Variants in C11orf65 observed in about 807,000 individuals in gnomAD.
C11orf65 encodes the protein chromosome 11 open reading frame 65.
A neutral mutation model predicts 35.3 loss-of-function variants in C11orf65; 38 were observed. That is an observed-to-expected ratio of 1.08 (90% CI 0.83 to 1.41). C11orf65 has a LOEUF of 1.41. C11orf65 is among the 40% of genes most tolerant of loss of function. The pLI is 0.00. For synonymous variants in C11orf65, 105 were observed against 114.4 expected (o/e 0.92, Z 0.53); for missense variants, 370 against 367.1 (o/e 1.01, Z -0.06).
chr11:108,418,999 T>C (rs186070756), intron 3 of C11orf65, among the ~76,000 whole-genome samples: 357 of 152,284 alleles, frequency 2.3e-3, no homozygotes, highest in African/African-American at 8.2e-3. Flanking sequence ...TTAAAATCTT[T>C]TCATGGAAAA....
chr11:108,351,407 A>G (rs570198809), intron 2 of C11orf65, among the ~76,000 whole-genome samples: 148 of 152,336 alleles, frequency 9.7e-4, no homozygotes, highest in East Asian at 7.7e-4. Flanking sequence ...CTGTTGCTGC[A>G]TAACAAACCA....
chr11:108,372,253 G>A lies in C11orf65; in HGVS notation c.226+20955C>T, dbSNP rs192677517. Among the ~76,000 whole-genome samples the A allele has an allele frequency of 7.1e-4, 108 of 152,328 alleles. 1 individual carries two copies. Among genetic ancestry groups the A allele is most frequent in the African/African-American group, 2.5e-3 (102 of 41,576 alleles). ...CTGTCGCCCAGGCTGGAGTGCAGCA[G>A]CACGATCTCGGCTCACTGCAACCTC... On this transcript the variant is annotated intron_variant, in intron 2 of 3. Coordinates refer to the C11orf65 transcript ENST00000524755.
chr11:108,431,790 G>C lies in C11orf65; in HGVS notation c.130C>G (p.Gln44Glu), dbSNP rs60205978. 1.0e-3 allele frequency: 1,541 copies of C among 1,528,174 alleles called. 20 individuals carry two copies. The African/African-American group carries it at 0.018, about 18-fold the overall frequency. 94.7% of individuals were successfully genotyped at this position (1,528,174 alleles called of 1,614,324 possible). Reference protein sequence around the residue: ...HFKSLIDLRRQGEPRQIVKYI... With the variant: ...HFKSLIDLRREGEPRQIVKYI... ...TTCACTATCTGACGTGGTTCTCCTT[G>C]TCTTCTTAAATCAATCAGACTTTTA... The change falls in exon 3 of 9, where the codon CAA becomes GAA. Residue 44 changes from glutamine (Q) to glutamate (E), a missense_variant. Gln to Glu is a conservative substitution (Grantham distance 29). Transcript: ENST00000393084.
intron 2 of C11orf65, among the ~76,000 whole-genome samples, chr11:108,453,343 G>T (rs1443152986): frequency 6.7e-6 from 1 of 149,704 alleles, no homozygotes; most frequent in Non-Finnish European, 1.5e-5. Context: ...AATACAGGAA[G>T]AACAGATCAG....
chr11:108,456,092 T>C (rs574488852), intron 2 of C11orf65, among the ~76,000 whole-genome samples: 220 of 152,032 alleles, frequency 1.4e-3, no homozygotes, highest in Middle Eastern at 0.01. Flanking sequence ...GAGGTGGAGA[T>C]TTCAGTGAGC....
At chr11:108,352,509 A>T (rs1261229758) in intron 2 of C11orf65, among the ~76,000 whole-genome samples, 1 of 152,232 alleles carries the variant, frequency 6.6e-6, no homozygotes, top group East Asian at 1.9e-4. Flanking sequence ...TTCAGCATCT[A>T]GGGCTAAACA....
chr11:108,324,126 T>A (rs769211273), intron 6 of C11orf65, among the ~76,000 whole-genome samples: 1 of 152,172 alleles, frequency 6.6e-6, no homozygotes, highest in Non-Finnish European at 1.5e-5. Context: ...AGGTATAATA[T>A]GTAATTAGAG....
chr11:108,442,549 G>A (rs900493071), intron 2 of C11orf65, among the ~76,000 whole-genome samples: 5 of 152,100 alleles, frequency 3.3e-5, no homozygotes, highest in Non-Finnish European at 7.4e-5. Context: ...TGAAATGAAG[G>A]AAAAAATATT....
chr11:108,428,808 T>C (rs1235479561), intron 3 of C11orf65, among the ~76,000 whole-genome samples: 1 of 152,072 alleles, frequency 6.6e-6, no homozygotes, highest in African/African-American at 2.4e-5. Context: ...ACTTAAAGTA[T>C]TAAAAAACAA....
At position 108,345,849 on chromosome 11, in the gene C11orf65, C is replaced by G. The variant is rs879254065; in HGVS notation, c.227-10557G>C. 6.2e-7 allele frequency: 1 copy of G among 1,613,790 alleles called. No individual in the cohort carries two copies. The highest frequency in any genetic ancestry group is 8.5e-7 in the Non-Finnish European group (1 of 1,179,844). On this transcript the variant is annotated intron_variant, in intron 2 of 3. Coordinates refer to the C11orf65 transcript ENST00000524755. ...TTCTGCATGGAAAAATTCTTGGATC[C>G]AGCTATTTGGTTTGAGAAGCGATTG...
chr11:108,394,535 T>C (rs572486784), intron 6 of C11orf65, among the ~76,000 whole-genome samples: 1 of 152,362 alleles, frequency 6.6e-6, no homozygotes, highest in South Asian at 2.1e-4. Flanking sequence ...TCTGAGCACA[T>C]AAAATAATAC....
chr11:108,408,610 AGG>A (rs2092590400), intron 3 of C11orf65, among the ~76,000 whole-genome samples: 1 of 151,456 alleles, frequency 6.6e-6, no homozygotes, highest in Non-Finnish European at 1.5e-5. Context: ...AGGGAGGTGG[AGG>A]CTTCAGTGAG....
Position 108,345,849 on chromosome 11 carries a change from C to T in C11orf65, c.227-10557G>A, listed in dbSNP as rs879254065. 1 of 1,613,790 alleles carries T rather than the reference C, an allele frequency of 6.2e-7. No individual in the cohort carries two copies. Among genetic ancestry groups the T allele is most frequent in the South Asian group, 1.1e-5 (1 of 91,064 alleles). On this transcript the variant is annotated intron_variant, in intron 2 of 3. Transcript: ENST00000524755. ...TTCTGCATGGAAAAATTCTTGGATC[C>T]AGCTATTTGGTTTGAGAAGCGATTG...
chr11:108,362,785 T>G (rs1292289104), intron 2 of C11orf65, among the ~76,000 whole-genome samples: 1 of 123,850 alleles, frequency 8.1e-6, no homozygotes, highest in African/African-American at 3.1e-5. Context: ...AATATCACAC[T>G]CTGGGGACTG....
intron 2 of C11orf65, among the ~76,000 whole-genome samples, chr11:108,447,730 A>G (rs1382547465): frequency 6.6e-6 from 1 of 152,118 alleles, no homozygotes; most frequent in Non-Finnish European, 1.5e-5. Flanking sequence ...AACAACTAGA[A>G]AAGCAAGAGC....
rs730881329 is a variant in C11orf65, at chr11:108,353,856, C to T, written c.227-18564G>A. 25 of 1,613,474 alleles carry T rather than the reference C, an allele frequency of 1.5e-5. No homozygotes were observed. The highest frequency in any genetic ancestry group is 1.9e-5 in the Non-Finnish European group (22 of 1,179,692). On this transcript the variant is annotated intron_variant, in intron 2 of 3. Transcript: ENST00000524755. ...GATATTGTGGATGGCATGGGCATTA[C>T]GGGTGTTGAAGGTGTCTTCAGAAGG...
At chr11:108,469,463 T>G (rs917287679), upstream of C11orf65, among the ~76,000 whole-genome samples, 3 of 151,480 alleles carry the variant, frequency 2.0e-5, no homozygotes, top group African/African-American at 7.3e-5. Flanking sequence ...TTTATTAGGT[T>G]GGTGCAAAAG....
intron 2 of C11orf65, among the ~76,000 whole-genome samples, chr11:108,375,030 T>C (rs910841082): frequency 3.3e-5 from 5 of 152,256 alleles, no homozygotes; most frequent in African/African-American, 9.6e-5. Context: ...CTGAAAGTGA[T>C]GGGGAGAATG....
At chr11:108,405,133 TTCAC>T (rs2092516561) in intron 6 of C11orf65, among the ~76,000 whole-genome samples, 1 of 152,216 alleles carries the variant, frequency 6.6e-6, no homozygotes, top group Non-Finnish European at 1.5e-5. Context: ...TCTAATGGCG[TTCAC>T]TCAAACTTTT....
Sources: allele counts gnomAD v4.1 joint callset (sites outside exome capture counted in the v4.1 genomes callset), GRCh38; gene constraint gnomAD v4.1.1; transcripts MANE v1.5; gene names NCBI Gene and HGNC (gene_info 2026-07-23, HGNC 2026-07-21).